Variants in STAT5B observed in about 807,000 individuals in gnomAD.
STAT5B encodes signal transducer and activator of transcription 5B, also known as transcription factor STAT5B.
In STAT5B, 21 loss-of-function variants were observed where a neutral mutation model predicts 107.8. The observed-to-expected ratio is 0.19, with a 90% CI of 0.14 to 0.28. The LOEUF is 0.28. Ranked by LOEUF, STAT5B falls within the 10% of genes least tolerant of loss-of-function variation. STAT5B has a pLI of 1.00. For synonymous variants in STAT5B, 325 were observed against 401.7 expected (o/e 0.81, Z 2.28); for missense variants, 565 against 1,008.2 (o/e 0.56, Z 5.95).
intron 5 of STAT5B, among the ~76,000 whole-genome samples, chr17:42,221,813 C>T (rs1418623578): frequency 6.6e-6 from 1 of 152,132 alleles, no homozygotes; most frequent in African/African-American, 2.4e-5. Context: ...ATTTATATTC[C>T]AGTGGAGAAG....
At chr17:42,211,859 G>C in intron 13 of STAT5B, 125 bp downstream of exon 13, 1 of 1,424,602 alleles carries the variant, frequency 7.0e-7, no homozygotes, top group Non-Finnish European at 9.7e-7. Context: ...CTAGTCAGAA[G>C]CTTCTATTAC....
rs1465205222 is a variant in STAT5B at position 42,199,630 on chromosome 17, C to G, written c.*2108G>C. 6.6e-6 allele frequency: 1 copy of G among 152,334 alleles called. No homozygotes were observed. Among genetic ancestry groups the G allele is most frequent in the Non-Finnish European group, 1.5e-5 (1 of 68,056 alleles). The allele number at this position is 152,334 out of a possible 1,614,324, so 9.4% of individuals were successfully genotyped here. On this transcript the variant is annotated 3_prime_UTR_variant, in exon 19 of 19. Coordinates refer to ENST00000293328, the MANE Select transcript of STAT5B (RefSeq NM_012448.4). Reference sequence around the variant, plus strand: ...ACACCTTTCATCAAAAATCTCCACTCTCTAGGCACAGCCTCGGTAACACCG... The same window carrying G: ...ACACCTTTCATCAAAAATCTCCACTGTCTAGGCACAGCCTCGGTAACACCG...
chr17:42,262,886 A>G, intron 1 of STAT5B, among the ~76,000 whole-genome samples: 1 of 120,482 alleles, frequency 8.3e-6, no homozygotes, highest in South Asian at 2.4e-4. Context: ...ATATACACAT[A>G]TATATGTGTG....
intron 7 of STAT5B, 56 bp downstream of exon 7, chr17:42,219,256 G>A (rs1207859244): frequency 5.0e-6 from 8 of 1,587,608 alleles, no homozygotes; most frequent in Non-Finnish European, 6.9e-6. Context: ...CGCAGAAGCA[G>A]CCGGGATCCC....
At chr17:42,220,153 C>T (rs1174375890) in intron 5 of STAT5B, among the ~76,000 whole-genome samples, 5 of 152,344 alleles carry the variant, frequency 3.3e-5, no homozygotes, top group South Asian at 2.1e-4. Context: ...CCTCTTCTCG[C>T]GGCCCAGCAT....
At chr17:42,204,897 A>C (rs915295212) in intron 16 of STAT5B, among the ~76,000 whole-genome samples, 2 of 152,208 alleles carry the variant, frequency 1.3e-5, no homozygotes, top group African/African-American at 4.8e-5. Flanking sequence ...TACAGGCATG[A>C]GCCACTGTGC....
At chr17:42,216,135 C>T (rs1484916160) in intron 11 of STAT5B, 29 bp from the exon 12 acceptor site, 1 of 1,592,796 alleles carries the variant, frequency 6.3e-7, no homozygotes, top group South Asian at 1.1e-5. Context: ...AGGCTGAGCG[C>T]CCACGAGCCT....
At chr17:42,262,206 G>A (rs2144395256) in intron 1 of STAT5B, among the ~76,000 whole-genome samples, 1 of 151,798 alleles carries the variant, frequency 6.6e-6, no homozygotes, top group Admixed American at 6.6e-5. Flanking sequence ...TGTCACCCAG[G>A]CTAGAGTACA....
At chr17:42,233,488 CTT>C (rs1170989753) in intron 1 of STAT5B, among the ~76,000 whole-genome samples, 18 of 139,036 alleles carry the variant, frequency 1.3e-4, no homozygotes, top group Non-Finnish European at 1.3e-4. Flanking sequence ...CAGGTAGTTT[CTT>C]TTTTTTTTTT....
chr17:42,233,547 G>A (rs994940998), intron 1 of STAT5B, among the ~76,000 whole-genome samples: 1 of 150,162 alleles, frequency 6.7e-6, no homozygotes, highest in Non-Finnish European at 1.5e-5. Flanking sequence ...CTGGAGTGCC[G>A]TGACGCGATC....
chr17:42,274,087 A>T (rs1172045597), intron 1 of STAT5B, among the ~76,000 whole-genome samples: 2 of 152,094 alleles, frequency 1.3e-5, no homozygotes, highest in Admixed American at 1.3e-4. Flanking sequence ...TAAATTTCTG[A>T]ACACAATCCA....
At chr17:42,269,029 T>C (rs897332455) in intron 1 of STAT5B, among the ~76,000 whole-genome samples, 1 of 152,174 alleles carries the variant, frequency 6.6e-6, no homozygotes, top group Non-Finnish European at 1.5e-5. Context: ...ATCCCACTCC[T>C]TCAAAAACAG....
At chr17:42,263,910 C>CAG (rs2080643062) in intron 1 of STAT5B, among the ~76,000 whole-genome samples, 2 of 145,616 alleles carry the variant, frequency 1.4e-5, no homozygotes, top group African/African-American at 2.5e-5. Flanking sequence ...CACACACACA[C>CAG]AGGGAACTCC....
At chr17:42,273,445 C>A (rs1376552029) in intron 1 of STAT5B, among the ~76,000 whole-genome samples, 5 of 152,116 alleles carry the variant, frequency 3.3e-5, no homozygotes, top group Non-Finnish European at 5.9e-5. Context: ...CTGGAATTGC[C>A]AGATAGCTTT....
the STAT5B span, among the ~76,000 whole-genome samples, chr17:42,284,766 A>G: frequency 1.3e-5 from 2 of 152,188 alleles, no homozygotes. Flanking sequence ...GGCTTGGGGA[A>G]GCTTAGAAAG....
At position 42,256,861 on chromosome 17, in the gene STAT5B, C is replaced by CAAAAAA. The variant is rs781345676; in HGVS notation, c.-11+19381_-11+19386dup. On this transcript the variant is annotated intron_variant, in intron 1 of 18. Transcript: ENST00000293328. ...TGGGTGACAGAGCGAGACTCTGTCT[C>CAAAAAA]AAAAAAAAAAAAAAAAAAAAAAAAA... Among the ~76,000 whole-genome samples the CAAAAAA allele has an allele frequency of 4.6e-3, 205 of 44,808 alleles. 34 individuals carry two copies. The highest frequency in any genetic ancestry group is 0.018 in the African/African-American group (187 of 10,634). 29.4% of individuals were successfully genotyped at this position (44,808 alleles called of 152,430 possible).
At chr17:42,278,630 G>C (rs949401909), upstream of STAT5B, among the ~76,000 whole-genome samples, 1 of 152,106 alleles carries the variant, frequency 6.6e-6, no homozygotes, top group African/African-American at 2.4e-5. Flanking sequence ...TCCTGCCTCA[G>C]CCTTATGAGT....
chr17:42,235,038 C>T (rs558958297), intron 1 of STAT5B: 1 of 152,270 alleles, frequency 6.6e-6, no homozygotes, highest in South Asian at 2.1e-4. Flanking sequence ...CCAACAGATA[C>T]AAAAATTCTC....
At chr17:42,218,476 G>GT (rs1412150477) in intron 8 of STAT5B, 146 bp from the exon 9 acceptor site, 1 of 1,421,056 alleles carries the variant, frequency 7.0e-7, no homozygotes, top group Non-Finnish European at 9.5e-7. Context: ...TGGGGAAGCC[G>GT]TGAGAGTCCA....
Sources: allele counts gnomAD v4.1 joint callset (sites outside exome capture counted in the v4.1 genomes callset), GRCh38; gene constraint gnomAD v4.1.1; transcripts MANE v1.5; gene names NCBI Gene and HGNC (gene_info 2026-07-23, HGNC 2026-07-21).